Variants in MAP2K4 observed in about 807,000 individuals in gnomAD.
The protein encoded by MAP2K4 is dual specificity mitogen-activated protein kinase kinase 4.
In MAP2K4, 4 loss-of-function variants were observed where a neutral mutation model predicts 48.5. That is an observed-to-expected ratio of 0.08 (90% CI 0.04 to 0.19). The LOEUF (loss-of-function observed/expected upper bound fraction) is 0.19. Ranked by LOEUF, MAP2K4 falls within the 10% of genes least tolerant of loss-of-function variation. The pLI is 1.00. For synonymous variants in MAP2K4, 166 were observed against 173.1 expected, an observed-to-expected ratio of 0.96 and a Z score of 0.32; for missense variants, 258 against 493.3, an observed-to-expected ratio of 0.52 and a Z score of 4.52.
chr17:12,129,362 G>A (rs1972957013), intron 9 of MAP2K4, 75 bp downstream of exon 9: 1 of 1,566,694 alleles, frequency 6.4e-7, no homozygotes, highest in Non-Finnish European at 8.8e-7. Flanking sequence ...AGCAGCATTG[G>A]TACTTTACAT....
chr17:12,098,130 A>G (rs1261392752), intron 4 of MAP2K4, among the ~76,000 whole-genome samples: 2 of 152,204 alleles, frequency 1.3e-5, no homozygotes, highest in Non-Finnish European at 2.9e-5. Context: ...TACTTTTATT[A>G]GTCACCTTTA....
At chr17:12,121,088 T>C (rs1480226379) in intron 7 of MAP2K4, among the ~76,000 whole-genome samples, 3 of 152,216 alleles carry the variant, frequency 2.0e-5, no homozygotes, top group African/African-American at 7.2e-5. Context: ...CAACCACAGA[T>C]TGTCTACCTG....
chr17:12,041,403 C>T (rs1187410627), intron 1 of MAP2K4, among the ~76,000 whole-genome samples: 1 of 152,104 alleles, frequency 6.6e-6, no homozygotes, highest in Non-Finnish European at 1.5e-5. Context: ...GAATTGTTAC[C>T]TAACATTTCT....
chr17:12,126,397 G>A (rs1450351808), intron 8 of MAP2K4, among the ~76,000 whole-genome samples: 1 of 152,180 alleles, frequency 6.6e-6, no homozygotes, highest in African/African-American at 2.4e-5. Flanking sequence ...ACCAAATGCT[G>A]ACCTCTGGGC....
At chr17:12,043,924 C>A (rs1158676849) in intron 1 of MAP2K4, among the ~76,000 whole-genome samples, 1 of 151,954 alleles carries the variant, frequency 6.6e-6, no homozygotes, top group East Asian at 1.9e-4. Context: ...TGTATGGGGG[C>A]GTGGCAGCTG....
At position 12,141,335 on chromosome 17, in the gene MAP2K4, C is replaced by T; in HGVS notation, c.*75C>T. 1 of 1,058,114 alleles carries T rather than the reference C, an allele frequency of 9.5e-7. No homozygotes were observed. The highest frequency in any genetic ancestry group is 1.5e-6 in the Non-Finnish European group (1 of 676,236). 65.5% of individuals were successfully genotyped at this position (1,058,114 alleles called of 1,614,324 possible). A position where few individuals can be genotyped will look rare whatever the true frequency, so the allele number is the denominator to read the frequency against. ...CGTAAAGAATTTTCATCCCGTATCA[C>T]AGTGTTTTTATTGCTCGCCCAGACA... On this transcript the variant is annotated 3_prime_UTR_variant, in exon 11 of 11. Transcript: ENST00000353533.
intron 2 of MAP2K4, among the ~76,000 whole-genome samples, chr17:12,056,397 C>A (rs1970283444): frequency 6.6e-6 from 1 of 151,984 alleles, no homozygotes; most frequent in African/African-American, 2.4e-5. Flanking sequence ...ATAGTAAACA[C>A]AGGGTGGAAA....
rs1161471824 is a variant in MAP2K4, at chr17:12,020,900, G to T, written c.14G>T (p.Ser5Ile). 65 of 1,213,508 alleles carry T rather than the reference G, an allele frequency of 5.4e-5. No homozygotes were observed. The highest frequency in any genetic ancestry group is 6.2e-5 in the Non-Finnish European group (61 of 976,064). 75.2% of individuals were successfully genotyped at this position (1,213,508 alleles called of 1,614,324 possible). Reference sequence around the variant, plus strand: ...TCACTCCCAACAATGGCGGCTCCGAGCCCGAGCGGCGGCGGCGGCTCCGGG... The same window carrying T: ...TCACTCCCAACAATGGCGGCTCCGATCCCGAGCGGCGGCGGCGGCTCCGGG... The part of the protein sequence containing the change: MAAP[S>I]PSGGGGSGGG... The change falls in exon 1 of 11, where the codon AGC (serine) becomes ATC (isoleucine). Residue 5 changes from serine (S) to isoleucine (I), a missense_variant. Ser to Ile is a moderately radical substitution (Grantham distance 142). This residue lies in a region of MAP2K4 where 69 missense variants were observed against 56.2 expected (regional missense o/e 1.23). Transcript: ENST00000353533.
At chr17:12,125,475 C>T in intron 8 of MAP2K4, 104 bp downstream of exon 8, 1 of 864,200 alleles carries the variant, frequency 1.2e-6, no homozygotes, top group Non-Finnish European at 2.0e-6. Context: ...GAACTATAAT[C>T]ACAGACACTA....
intron 2 of MAP2K4, chr17:12,069,910 T>TAC (rs1567643673): frequency 1.4e-4 from 7 of 50,658 alleles, no homozygotes; most frequent in South Asian, 5.9e-4. Flanking sequence ...TATATATATA[T>TAC]ATATATATAT....
intron 7 of MAP2K4, among the ~76,000 whole-genome samples, chr17:12,114,284 G>A (rs1972407064): frequency 6.6e-6 from 1 of 152,138 alleles, no homozygotes; most frequent in African/African-American, 2.4e-5. Flanking sequence ...TGAATGGATA[G>A]GCTTAGTGCT....
chr17:12,057,492 T>G (rs1970317780), intron 2 of MAP2K4, among the ~76,000 whole-genome samples: 1 of 152,222 alleles, frequency 6.6e-6, no homozygotes, highest in South Asian at 2.1e-4. Flanking sequence ...TGATATTCTG[T>G]AATTATATGA....
chr17:12,128,765 G>T (rs2151590515), intron 8 of MAP2K4, among the ~76,000 whole-genome samples: 1 of 152,294 alleles, frequency 6.6e-6, no homozygotes, highest in African/African-American at 2.4e-5. Flanking sequence ...CTCTAAGATG[G>T]CTACAAATTG....
chr17:12,128,193 T>G (rs1252749689), intron 8 of MAP2K4, among the ~76,000 whole-genome samples: 3 of 152,202 alleles, frequency 2.0e-5, no homozygotes, highest in Non-Finnish European at 4.4e-5. Flanking sequence ...TTCCCCTGCC[T>G]CAGCCTCCTG....
intron 2 of MAP2K4, among the ~76,000 whole-genome samples, chr17:12,066,874 A>G (rs1193967233): frequency 1.3e-5 from 2 of 152,168 alleles, no homozygotes; most frequent in African/African-American, 4.8e-5. Context: ...TATTTTTAGT[A>G]GAGACGGGGC....
At chr17:12,127,613 G>A (rs1972893726) in intron 8 of MAP2K4, among the ~76,000 whole-genome samples, 2 of 152,268 alleles carry the variant, frequency 1.3e-5, no homozygotes, top group South Asian at 2.1e-4. Flanking sequence ...ATTGTGAAAT[G>A]TATGAAATTA....
chr17:12,119,362 C>A (rs1972602929), intron 7 of MAP2K4, among the ~76,000 whole-genome samples: 1 of 152,174 alleles, frequency 6.6e-6, no homozygotes, highest in Non-Finnish European at 1.5e-5. Flanking sequence ...CAAAAGAAGA[C>A]ATGCATGCAT....
intron 3 of MAP2K4, among the ~76,000 whole-genome samples, chr17:12,084,760 A>G (rs1971303788): frequency 6.6e-6 from 1 of 152,156 alleles, no homozygotes; most frequent in South Asian, 2.1e-4. Context: ...TATGTTAACC[A>G]GCTCTCTGGT....
intron 4 of MAP2K4, among the ~76,000 whole-genome samples, chr17:12,096,767 A>G (rs775816759): frequency 1.3e-5 from 2 of 152,170 alleles, no homozygotes; most frequent in African/African-American, 4.8e-5. Flanking sequence ...ATTGGAAACA[A>G]TGTTAGAGGT....
Sources: gnomAD v4.1 joint callset for allele counts (sites outside exome capture counted in the v4.1 genomes callset) on GRCh38, gnomAD v4.1.1 for gene constraint, gnomAD v4.1.1 regional missense constraint, MANE v1.5 for transcripts, NCBI Gene and HGNC (gene_info 2026-07-23, HGNC 2026-07-21) for gene names.